DNAJB1: variants seen among roughly 807,000 people sequenced by gnomAD.
The protein encoded by DNAJB1 is DnaJ heat shock protein family (Hsp40) member B1, also known as dnaJ homolog subfamily B member 1.
Under a neutral mutation model 24.0 loss-of-function variants are expected in DNAJB1, and 14 were observed. That is an observed-to-expected ratio of 0.58 (90% CI 0.39 to 0.91). DNAJB1 has a LOEUF of 0.91. Ranked by LOEUF, DNAJB1 falls within the 40% of genes least tolerant of loss-of-function variation. The pLI is 0.00. For missense variants in DNAJB1, 517 were observed against 458.1 expected, an observed-to-expected ratio of 1.13 and a Z score of -1.17; for synonymous variants, 262 against 174.4, an observed-to-expected ratio of 1.50 and a Z score of -3.96.
In DNAJB1 at chr19:14,515,881, G is replaced by A. The variant is rs928087570; in HGVS notation, c.*59C>T. 31 of 1,538,236 alleles carry A rather than the reference G, an allele frequency of 2.0e-5. No individual in the cohort carries two copies. In the African/African-American group the frequency reaches 3.9e-4, roughly 19 times the overall value. ...CTCATGGTCCACAACTGGTAGAAAG[G>A]TCCAGAAATCCTTGAGCTCTGGAAA... On this transcript the variant is annotated 3_prime_UTR_variant, in exon 3 of 3. Coordinates refer to ENST00000254322, the MANE Select transcript of DNAJB1 (RefSeq NM_006145.3).
chr19:14,555,330 C>T (rs1430212986), upstream of DNAJB1, among the ~76,000 whole-genome samples: 1 of 151,182 alleles, frequency 6.6e-6, no homozygotes, highest in Non-Finnish European at 1.5e-5. Flanking sequence ...CTCACTGCAA[C>T]CTCTGCCTCC....
At chr19:14,525,252 A>G (rs972129415) in intron 2 of DNAJB1, among the ~76,000 whole-genome samples, 2 of 152,172 alleles carry the variant, frequency 1.3e-5, no homozygotes, top group African/African-American at 2.4e-5. Context: ...AATAAAAAAG[A>G]TACTATTATA....
chr19:14,548,990 C>T (rs1428647296), intron 1 of DNAJB1, among the ~76,000 whole-genome samples: 1 of 151,176 alleles, frequency 6.6e-6, no homozygotes, highest in Non-Finnish European at 1.5e-5. Flanking sequence ...ATTTAATTTT[C>T]ACATATCATG....
chr19:14,520,312 TGAA>T (rs1568382813), upstream of DNAJB1, among the ~76,000 whole-genome samples: 1 of 152,150 alleles, frequency 6.6e-6, no homozygotes, highest in Admixed American at 6.5e-5. Context: ...CAGGGACTCC[TGAA>T]GAAGAAGACC....
Position 14,517,970 on chromosome 19 carries a change from A to G in DNAJB1, c.211+169T>C, listed in dbSNP as rs981039286. On this transcript the variant is annotated intron_variant, in intron 1 of 2. Coordinates refer to ENST00000254322, the MANE Select transcript of DNAJB1 (RefSeq NM_006145.3). ...CGGCTGGGCCAAGGCTCCTCCTCCC[A>G]CCGCGCGGCCGCCAATCCGAGGGCG... 15 of 642,742 alleles carry G rather than the reference A, an allele frequency of 2.3e-5. 1 individual carries two copies. In the Admixed American group the frequency reaches 4.3e-4, roughly 18 times the overall value. The allele number at this position is 642,742 out of a possible 1,614,324, so 39.8% of individuals were successfully genotyped here.
At position 14,515,975 on chromosome 19, in the gene DNAJB1, A is replaced by G; in HGVS notation, c.988T>C (p.Ser330Pro). The change falls in exon 3 of 3, where the codon TCA (serine) becomes CCA (proline). Residue 330 changes from serine (S) to proline (P), a missense_variant. Coordinates refer to ENST00000254322, the MANE Select transcript of DNAJB1 (RefSeq NM_006145.3). ...AGAACCTGCTCAAGTACGGTTCTTG[A>G]TGTCTGGGGAATCCTTTCGGGGAAG... ...VIFPERIPQT[S>P]RTVLEQVLPI The G allele has an allele frequency of 6.2e-7, 1 of 1,609,574 alleles. No individual in the cohort carries two copies. Among genetic ancestry groups the G allele is most frequent in the Non-Finnish European group, 8.5e-7 (1 of 1,178,848 alleles).
upstream of DNAJB1, among the ~76,000 whole-genome samples, chr19:14,523,287 G>A (rs973774297): frequency 1.1e-4 from 17 of 152,072 alleles, no homozygotes; most frequent in Admixed American, 7.2e-4. Flanking sequence ...TGAACAGGAA[G>A]TGAACAGGAA....
chr19:14,544,979 G>T (rs77117646), intron 1 of DNAJB1: 10 of 408,636 alleles, frequency 2.4e-5, no homozygotes, highest in Non-Finnish European at 4.9e-5. Context: ...AGGAACTGCG[G>T]TGTCCTTTTC....
intron 2 of DNAJB1, among the ~76,000 whole-genome samples, chr19:14,525,574 G>T (rs1208945869): frequency 6.6e-6 from 1 of 152,180 alleles, no homozygotes; most frequent in Non-Finnish European, 1.5e-5. Context: ...TCAAAAGGCT[G>T]CATGATTCCA....
At chr19:14,528,578 G>T (rs1023931172) in intron 1 of DNAJB1, among the ~76,000 whole-genome samples, 2 of 152,110 alleles carry the variant, frequency 1.3e-5, no homozygotes, top group Non-Finnish European at 2.9e-5. Context: ...CCCCATTGGA[G>T]CCACTAGACA....
intron 1 of DNAJB1, among the ~76,000 whole-genome samples, chr19:14,543,736 C>CTA (rs1220048810): frequency 6.7e-6 from 1 of 148,834 alleles, no homozygotes; most frequent in Non-Finnish European, 1.5e-5. Context: ...CCGCGCCCGG[C>CTA]TATATATATA....
chr19:14,536,294 G>A (rs1267996475), intron 1 of DNAJB1, among the ~76,000 whole-genome samples: 2 of 148,096 alleles, frequency 1.4e-5, no homozygotes, highest in South Asian at 4.3e-4. Flanking sequence ...TCGTGAGACA[G>A]AGTCCCCCTC....
chr19:14,551,007 T>C (rs1420275010), upstream of DNAJB1, among the ~76,000 whole-genome samples: 1 of 151,866 alleles, frequency 6.6e-6, no homozygotes, highest in Admixed American at 6.6e-5. Context: ...CTTTCTCTTA[T>C]TAAGTCCACC....
chr19:14,542,352 T>TTTTTTTTTG (rs2073128520), intron 1 of DNAJB1, among the ~76,000 whole-genome samples: 1 of 73,594 alleles, frequency 1.4e-5, no homozygotes, highest in Non-Finnish European at 2.9e-5. Flanking sequence ...ATAGTGTTTT[T>TTTTTTTTTG]TTTTTTTTTT....
At chr19:14,529,628 G>A (rs1400525234), upstream of DNAJB1, 2 of 1,612,300 alleles carry the variant, frequency 1.2e-6, no homozygotes, top group Non-Finnish European at 1.7e-6. Context: ...AGCGCTGTAG[G>A]GAGCCTGTGC....
chr19:14,516,430 C>G, intron 2 of DNAJB1, 36 bp downstream of exon 2: 5 of 1,578,096 alleles, frequency 3.2e-6, no homozygotes, highest in Non-Finnish European at 3.5e-6. Context: ...AAGCAGCCAT[C>G]GCCCTCTACA....
upstream of DNAJB1, among the ~76,000 whole-genome samples, chr19:14,523,272 G>C (rs1245742083): frequency 6.6e-6 from 1 of 151,970 alleles, no homozygotes; most frequent in Non-Finnish European, 1.5e-5. Context: ...GAAATTGAGA[G>C]GAAATGAACA....
intron 1 of DNAJB1, among the ~76,000 whole-genome samples, chr19:14,540,903 C>G (rs998395137): frequency 2.6e-5 from 4 of 151,886 alleles, no homozygotes; most frequent in African/African-American, 7.3e-5. Context: ...AGAGTGATCT[C>G]GATTCACTGC....
intron 1 of DNAJB1, among the ~76,000 whole-genome samples, chr19:14,549,032 C>T (rs932561030): frequency 3.3e-5 from 5 of 151,506 alleles, no homozygotes; most frequent in African/African-American, 4.9e-5. Context: ...TTTTTCCATC[C>T]GCTTAAAAAG....
Sources: gnomAD v4.1 joint callset for allele counts (sites outside exome capture counted in the v4.1 genomes callset) on GRCh38, gnomAD v4.1.1 for gene constraint, MANE v1.5 for transcripts, NCBI Gene and HGNC (gene_info 2026-07-23, HGNC 2026-07-21) for gene names.